SCHIP1: variants seen among roughly 807,000 people sequenced by gnomAD.
The protein encoded by SCHIP1 is schwannomin-interacting protein 1.
SCHIP1 carries 8 observed loss-of-function variants against 29.7 expected under a neutral mutation model. The observed-to-expected ratio is 0.27, with a 90% confidence interval of 0.16 to 0.49. The LOEUF (loss-of-function observed/expected upper bound fraction) is 0.49. SCHIP1 is among the 20% of genes least tolerant of loss of function. The probability of loss-of-function intolerance (pLI) is 0.99; values close to 1 mark genes in which losing one functional copy is unlikely to be tolerated. For synonymous variants in SCHIP1, 76 were observed against 94.9 expected, an observed-to-expected ratio of 0.80 and a Z score of 1.16; for missense variants, 193 against 294.6, an observed-to-expected ratio of 0.66 and a Z score of 2.52.
intron 1 of SCHIP1, among the ~76,000 whole-genome samples, chr3:159,849,887 T>C (rs950315299): frequency 2.0e-5 from 3 of 152,254 alleles, no homozygotes; most frequent in Non-Finnish European, 2.9e-5. Flanking sequence ...TCATATTTCC[T>C]CTGTTCACGT....
chr3:159,848,412 A>G (rs751896578), intron 1 of SCHIP1, among the ~76,000 whole-genome samples: 1 of 152,190 alleles, frequency 6.6e-6, no homozygotes, highest in Admixed American at 6.5e-5. Flanking sequence ...CTGGCAAACC[A>G]TCAGGCATTA....
the SCHIP1 span, among the ~76,000 whole-genome samples, chr3:159,563,195 AC>A: frequency 6.6e-6 from 1 of 152,114 alleles, no homozygotes; most frequent in African/African-American, 2.4e-5. Flanking sequence ...TGAAGATCAG[AC>A]CCCTATGAAT....
the SCHIP1 span, among the ~76,000 whole-genome samples, chr3:159,790,798 AT>A: frequency 1.2e-4 from 18 of 152,190 alleles, no homozygotes; most frequent in Non-Finnish European, 1.9e-4. Context: ...ACTTAGAAGC[AT>A]TTTTTTCCCC....
the SCHIP1 span, among the ~76,000 whole-genome samples, chr3:159,691,435 T>TG: frequency 7.8e-6 from 1 of 127,706 alleles, no homozygotes; most frequent in Non-Finnish European, 1.6e-5. Context: ...TTTTTTTTTT[T>TG]GCTTTCCATT....
the SCHIP1 span, among the ~76,000 whole-genome samples, chr3:159,389,926 T>C: frequency 6.6e-6 from 1 of 152,032 alleles, no homozygotes; most frequent in Non-Finnish European, 1.5e-5. Flanking sequence ...GCAAATGAAT[T>C]ACTCCATATA....
the SCHIP1 span, among the ~76,000 whole-genome samples, chr3:159,616,335 C>T: frequency 6.6e-6 from 1 of 152,170 alleles, no homozygotes; most frequent in Admixed American, 6.5e-5. Context: ...CTCCTGACCT[C>T]AAGTGATCCG....
At chr3:159,611,525 G>A in the SCHIP1 span, among the ~76,000 whole-genome samples, 1 of 143,672 alleles carries the variant, frequency 7.0e-6, no homozygotes, top group East Asian at 2.1e-4. Context: ...ACCAGGGCGT[G>A]TTGGGGGGTG....
chr3:159,685,691 T>C, the SCHIP1 span, among the ~76,000 whole-genome samples: 1 of 152,218 alleles, frequency 6.6e-6, no homozygotes, highest in Non-Finnish European at 1.5e-5. Flanking sequence ...CTTCCTTTTC[T>C]TGAGTTCAGA....
chr3:159,299,104 A>G, the SCHIP1 span, among the ~76,000 whole-genome samples: 6 of 152,358 alleles, frequency 3.9e-5, no homozygotes, highest in African/African-American at 1.4e-4. Context: ...CAAGCCTTCT[A>G]ACAGAAAGAG....
At chr3:159,381,154 A>G in the SCHIP1 span, among the ~76,000 whole-genome samples, 2 of 152,158 alleles carry the variant, frequency 1.3e-5, no homozygotes, top group Non-Finnish European at 2.9e-5. Context: ...CAAGGAGTGG[A>G]TTAAAAAAAT....
the SCHIP1 span, among the ~76,000 whole-genome samples, chr3:159,712,400 G>A: frequency 6.6e-6 from 1 of 152,188 alleles, no homozygotes; most frequent in Admixed American, 6.5e-5. Context: ...TGGATGGGCA[G>A]GCCAATAAAG....
the SCHIP1 span, among the ~76,000 whole-genome samples, chr3:159,368,467 A>G: frequency 2.0e-5 from 3 of 152,186 alleles, no homozygotes; most frequent in Non-Finnish European, 4.4e-5. Context: ...TAGCAGTCAG[A>G]AGACCTATGC....
chr3:159,624,801 G>T, the SCHIP1 span, among the ~76,000 whole-genome samples: 15 of 152,108 alleles, frequency 9.9e-5, no homozygotes. Context: ...GCCTTCCAAC[G>T]AAAAGGTTGT....
chr3:159,816,942 AC>A, the SCHIP1 span, among the ~76,000 whole-genome samples: 2 of 151,926 alleles, frequency 1.3e-5, no homozygotes, highest in African/African-American at 2.4e-5. Context: ...ATCTTTCCTG[AC>A]CCCCCGGCTT....
At chr3:159,543,110 CAT>C in the SCHIP1 span, among the ~76,000 whole-genome samples, 6 of 85,678 alleles carry the variant, frequency 7.0e-5, no homozygotes, top group African/African-American at 1.7e-4. Flanking sequence ...GACATATATA[CAT>C]GTGTGTATAT....
chr3:159,662,598 C>T, the SCHIP1 span, among the ~76,000 whole-genome samples: 1 of 152,048 alleles, frequency 6.6e-6, no homozygotes, highest in Non-Finnish European at 1.5e-5. Context: ...TGTGTGTATG[C>T]TTTTAAAACT....
chr3:159,472,316 C>T, the SCHIP1 span, among the ~76,000 whole-genome samples: 1 of 152,160 alleles, frequency 6.6e-6, no homozygotes, highest in Non-Finnish European at 1.5e-5. Context: ...CACTGTGCCG[C>T]GGGCTGTCCT....
the SCHIP1 span, among the ~76,000 whole-genome samples, chr3:159,620,294 G>T: frequency 6.6e-6 from 1 of 152,160 alleles, no homozygotes; most frequent in Non-Finnish European, 1.5e-5. Context: ...ACTGAGTGTT[G>T]CATATTTATT....
upstream of SCHIP1, among the ~76,000 whole-genome samples, chr3:159,837,717 C>T (rs1743803532): frequency 6.6e-6 from 1 of 150,584 alleles, no homozygotes; most frequent in Non-Finnish European, 1.5e-5. Context: ...CTCCATCCCC[C>T]GCCCGAAAAA....
Sources: allele counts gnomAD v4.1 joint callset (sites outside exome capture counted in the v4.1 genomes callset), GRCh38; gene constraint gnomAD v4.1.1; transcripts MANE v1.5; gene names NCBI Gene and HGNC (gene_info 2026-07-23, HGNC 2026-07-21).